SHD: variants seen among roughly 807,000 people sequenced by gnomAD.
The protein encoded by SHD is SH2 domain-containing adapter protein D.
SHD carries 29 observed loss-of-function variants against 31.2 expected under a neutral mutation model. That is an observed-to-expected ratio of 0.93 (90% confidence interval 0.69 to 1.27). The LOEUF is 1.27. Ranked by LOEUF, SHD falls within the 50% of genes most tolerant of loss-of-function variation. SHD has a pLI of 0.00. For missense variants in SHD, 520 were observed against 453.8 expected, an observed-to-expected ratio of 1.15 and a Z score of -1.33; for synonymous variants, 208 against 187.8, an observed-to-expected ratio of 1.11 and a Z score of -0.88.
In SHD at chr19:4,284,798, G is replaced by A; in HGVS notation, c.610G>A (p.Glu204Lys). 6.2e-7 allele frequency: 1 copy of A among 1,610,534 alleles called. No individual in the cohort carries two copies. The highest frequency in any genetic ancestry group is 8.5e-7 in the Non-Finnish European group (1 of 1,178,084). ...CTTTCCAGTGCAGTTTGACAGTCCA[G>A]AGTGGGAGAGGACTCCAGGCTCAGC... ...RAFAVQFDSP[E>K]WERTPGSAKE... Residue 204 changes from glutamate (E) to lysine (K), a missense_variant, in exon 4 of 6, where the codon GAG becomes AAG. By Grantham distance (56) the Glu-to-Lys change is moderately conservative. Coordinates refer to ENST00000543264, the MANE Select transcript of SHD (RefSeq NM_020209.4).
In SHD at chr19:4,290,613, G is replaced by T; in HGVS notation, c.1003G>T (p.Val335Leu). The T allele has an allele frequency of 6.2e-7, 1 of 1,610,136 alleles. No homozygotes were observed. The highest frequency in any genetic ancestry group is 1.3e-5 in the African/African-American group (1 of 74,948). The part of the protein sequence containing the change: ...GAEHLALLYP[V>L]VTQTP ...CGAGCATCTGGCTCTGCTGTACCCC[G>T]TGGTCACGCAGACCCCCTGACAGTG... Residue 335 changes from valine to leucine, a missense_variant, in exon 6 of 6, where the codon GTG (valine) becomes TTG (leucine). Coordinates refer to ENST00000543264, the MANE Select transcript of SHD (RefSeq NM_020209.4).
At chr19:4,285,181 G>A (rs536145885) in intron 4 of SHD, among the ~76,000 whole-genome samples, 1 of 152,268 alleles carries the variant, frequency 6.6e-6, no homozygotes, top group Admixed American at 6.6e-5. Context: ...GTAGCCTGGG[G>A]CAAGTCACTT....
chr19:4,289,540 C>G (rs1418141745), intron 5 of SHD, among the ~76,000 whole-genome samples: 1 of 151,222 alleles, frequency 6.6e-6, no homozygotes, highest in Non-Finnish European at 1.5e-5. Context: ...GTCACTGCAC[C>G]TGGCCTCTTA....
chr19:4,286,425 C>G (rs998111863), intron 4 of SHD, among the ~76,000 whole-genome samples: 1 of 151,384 alleles, frequency 6.6e-6, no homozygotes, highest in Non-Finnish European at 1.5e-5. Context: ...GCTCACTGTA[C>G]CCCTGCACTC....
rs754036839 is a variant in SHD, at chr19:4,282,895, A to G, written c.323A>G (p.Asp108Gly). 6.2e-6 allele frequency: 10 copies of G among 1,613,682 alleles called. No individual in the cohort carries two copies. The highest frequency in any genetic ancestry group is 1.3e-5 in the African/African-American group (1 of 74,796). ...EELEADTEYLDPFDAQPHPAP... is the reference protein window; with the variant it reads ...EELEADTEYLGPFDAQPHPAP... ...CTGGAAGCCGACACTGAGTATTTAG[A>G]CCCCTTTGATGCTCAGCCTCATCCT... Residue 108 changes from aspartate (D) to glycine (G), a missense_variant, in exon 2 of 6, where the codon GAC (aspartate) becomes GGC (glycine). Asp to Gly is a moderately conservative substitution (Grantham distance 94). Coordinates refer to ENST00000543264, the MANE Select transcript of SHD (RefSeq NM_020209.4).
Position 4,284,785 on chromosome 19 carries a change from GT to G in SHD, c.600del (p.Phe200LeufsTer46). 1 of 1,602,012 alleles carries G rather than the reference GT, an allele frequency of 6.2e-7. No individual in the cohort carries two copies. The highest frequency in any genetic ancestry group is 8.5e-7 in the Non-Finnish European group (1 of 1,173,098). ...DHISRAFAVQ[F>X]DSPEWERTPG... ...CTCTCTAAATCTCCTTTCCAGTGCA[GT>G]TTGACAGTCCAGAGTGGGAGAGGAC... On this transcript the variant is annotated frameshift_variant, in exon 4 of 6. Coordinates refer to ENST00000543264, the MANE Select transcript of SHD (RefSeq NM_020209.4). LOFTEE classifies it high-confidence loss of function.
At position 4,279,927 on chromosome 19, in the gene SHD, G is replaced by T; in HGVS notation, c.-137G>T. The T allele has an allele frequency of 9.2e-7, 1 of 1,082,300 alleles. No homozygotes were observed. The highest frequency in any genetic ancestry group is 1.3e-6 in the Non-Finnish European group (1 of 766,668). The allele number at this position is 1,082,300 out of a possible 1,614,324, so 67.0% of individuals were successfully genotyped here. On this transcript the variant is annotated 5_prime_UTR_variant, in exon 1 of 6. Coordinates refer to ENST00000543264, the MANE Select transcript of SHD (RefSeq NM_020209.4). This position sits in a 1 kb window ranked among gnomAD's most constrained non-coding sequence, Gnocchi z 7.5. The stretch of plus-strand genomic sequence containing the variant: ...CTATCCATCCAGAGCCCCGCCAAAG[G>T]GCGCACCTGATCTTTCTCATCCTTC...
intron 4 of SHD, among the ~76,000 whole-genome samples, chr19:4,286,271 CTTTCTTTCTTTT>C (rs879776141): frequency 0.027 from 3,398 of 123,914 alleles, 118 homozygotes; most frequent in Non-Finnish European, 0.036. Context: ...CTCTTTCTTT[CTTTCTTTCTTTT>C]TTTCTTTCCT....
chr19:4,283,292 T>A (rs1971275916), intron 3 of SHD, 50 bp downstream of exon 3: 2 of 1,554,404 alleles, frequency 1.3e-6, no homozygotes, highest in Non-Finnish European at 1.8e-6. Flanking sequence ...TCCCTGCATT[T>A]CCTCATCTGG....
chr19:4,288,794 T>C (rs1032838984), intron 5 of SHD, among the ~76,000 whole-genome samples: 3 of 152,072 alleles, frequency 2.0e-5, no homozygotes, highest in Non-Finnish European at 4.4e-5. Flanking sequence ...TGTCTAATTA[T>C]AAACCACTCC....
intron 1 of SHD, among the ~76,000 whole-genome samples, chr19:4,281,648 C>T (rs959087841): frequency 6.6e-6 from 1 of 151,982 alleles, no homozygotes; most frequent in African/African-American, 2.4e-5. Flanking sequence ...ATCCCAGCTA[C>T]TCCTGAGGCT....
chr19:4,281,261 C>CAA (rs568744824), intron 1 of SHD, among the ~76,000 whole-genome samples: 239 of 147,860 alleles, frequency 1.6e-3, no homozygotes, highest in Non-Finnish European at 2.9e-3. Flanking sequence ...CCCGGGCTAA[C>CAA]AGAGTGAGAC....
rs10425598 is a variant in SHD at position 4,279,458 on chromosome 19, C to T, written c.-606C>T. ...GATCGAGGCGGCGGGGGCCGCGGGA[C>T]TGGGGGCTCCCCGCTGAGCCGAGAG... On this transcript the variant is annotated 5_prime_UTR_variant, in exon 1 of 6. Coordinates refer to ENST00000543264, the MANE Select transcript of SHD (RefSeq NM_020209.4). The surrounding 1 kb of genome is among the most constrained non-coding windows in gnomAD (Gnocchi z 7.5). 0.28 allele frequency: 42,201 copies of T among 152,336 alleles called. 8,931 individuals carry two copies. The highest frequency in any genetic ancestry group is 0.59 in the African/African-American group (24,664 of 41,512). The allele number at this position is 152,336 out of a possible 1,614,324, so 9.4% of individuals were successfully genotyped here.
chr19:4,286,219 TTTCTTTCTTTCTTTTC>T (rs1401124867), intron 4 of SHD, among the ~76,000 whole-genome samples: 9 of 100,518 alleles, frequency 9.0e-5, no homozygotes, highest in African/African-American at 4.6e-4. Flanking sequence ...TCTTTCTTTC[TTTCTTTCTTTCTTTTC>T]TTTCTTTCTT....
At chr19:4,284,619 A>C in intron 3 of SHD, 162 bp from the exon 4 acceptor site, 1 of 754,468 alleles carries the variant, frequency 1.3e-6, no homozygotes. Context: ...AAAAGGTTGC[A>C]CCTGTGGCCA....
At chr19:4,288,648 C>A (rs1971345029) in intron 5 of SHD, among the ~76,000 whole-genome samples, 1 of 152,124 alleles carries the variant, frequency 6.6e-6, no homozygotes, top group Admixed American at 6.6e-5. Context: ...GCACAAGATT[C>A]CTCTGGACTC....
chr19:4,285,893 T>C (rs1256969384), intron 4 of SHD, among the ~76,000 whole-genome samples: 7 of 110,276 alleles, frequency 6.3e-5, no homozygotes, highest in East Asian at 2.3e-4. Flanking sequence ...TCCTTTCTTT[T>C]TTTTTTTTTT....
At position 4,283,070 on chromosome 19, in the gene SHD, G is replaced by C. The variant is rs150549756; in HGVS notation, c.420G>C (p.Gly140=). 139 of 1,613,826 alleles carry C rather than the reference G, an allele frequency of 8.6e-5. No individual in the cohort carries two copies. The African/African-American group carries it at 1.6e-3, about 18-fold the overall frequency. ...QWVMSELPGR[G]VQLYDTPYEE... is the part of the protein sequence containing the mutation. ...GCCTCCTAGAACTTCCCGGCAGAGGGGTGCAGCTCTATGACACCCCTTATG... is the reference window on the plus strand; with the variant it reads ...GCCTCCTAGAACTTCCCGGCAGAGGCGTGCAGCTCTATGACACCCCTTATG... Residue 140 remains glycine, a synonymous_variant, in exon 3 of 6, where the codon GGG becomes GGC. Coordinates refer to ENST00000543264, the MANE Select transcript of SHD (RefSeq NM_020209.4).
Position 4,283,087 on chromosome 19 carries a change from C to A in SHD, c.437C>A (p.Thr146Asn), listed in dbSNP as rs1221936595. Residue 146 changes from threonine to asparagine, a missense_variant, in exon 3 of 6, where the codon ACC becomes AAC. Transcript: ENST00000543264. ...GGCAGAGGGGTGCAGCTCTATGACA[C>A]CCCTTATGAGGAACAGGACCCAGAG... The part of the protein sequence containing the change: ...LPGRGVQLYD[T>N]PYEEQDPETA... 4.3e-6 allele frequency: 7 copies of A among 1,614,058 alleles called. No individual in the cohort carries two copies. The highest frequency in any genetic ancestry group is 5.1e-6 in the Non-Finnish European group (6 of 1,179,986).
Sources: allele counts gnomAD v4.1 joint callset (sites outside exome capture counted in the v4.1 genomes callset), GRCh38; gene constraint gnomAD v4.1.1; non-coding constraint Gnocchi (gnomAD v3.1); transcripts MANE v1.5; gene names NCBI Gene and HGNC (gene_info 2026-07-23, HGNC 2026-07-21).